DMD: variants seen among roughly 807,000 people sequenced by gnomAD.
The protein encoded by DMD is mutant dystrophin.
DMD carries 63 observed loss-of-function variants against 330.1 expected under a neutral mutation model. That is an observed-to-expected ratio of 0.19 (90% CI 0.16 to 0.24). DMD has a LOEUF of 0.24. DMD is among the 10% of genes least tolerant of loss of function. The pLI is 1.00. For synonymous variants in DMD, 1,223 were observed against 959.8 expected, an observed-to-expected ratio of 1.27 and a Z score of -5.07; for missense variants, 3,344 against 2,684.1, an observed-to-expected ratio of 1.25 and a Z score of -5.43.
chrX:31,591,948 T>G (rs1399050270), intron 55 of DMD, among the ~76,000 whole-genome samples: 1 of 111,045 alleles, frequency 9.0e-6, no homozygotes, highest in African/African-American at 3.3e-5. Flanking sequence ...CATTCAGCCT[T>G]TAACACTTGA....
At chrX:32,000,914 C>T (rs751798474) in intron 44 of DMD, among the ~76,000 whole-genome samples, 5 of 111,481 alleles carry the variant, frequency 4.5e-5, no homozygotes, top group East Asian at 5.7e-4. Context: ...TCTATCTCTG[C>T]CACTAGTTTA....
At chrX:32,108,813 A>AT (rs2096576575) in intron 44 of DMD, among the ~76,000 whole-genome samples, 2 of 111,727 alleles carry the variant, frequency 1.8e-5, no homozygotes, top group Non-Finnish European at 3.8e-5. Flanking sequence ...GAGGTTTTTT[A>AT]TTAGTTAAGA....
chrX:31,249,993 G>A (rs184190608), intron 63 of DMD, among the ~76,000 whole-genome samples: 103 of 110,308 alleles, frequency 9.3e-4, no homozygotes, highest in Admixed American at 6.9e-3. Flanking sequence ...AAAATTATTA[G>A]TGGCTTCCTT....
At chrX:32,416,425 T>C (rs1481325010) in intron 29 of DMD, among the ~76,000 whole-genome samples, 1 of 112,083 alleles carries the variant, frequency 8.9e-6, no homozygotes, top group Non-Finnish European at 1.9e-5. Context: ...TGTAGACATG[T>C]AAAACATTTC....
chrX:31,419,134 C>T (rs767239713), intron 60 of DMD, among the ~76,000 whole-genome samples: 4 of 106,763 alleles, frequency 3.7e-5, no homozygotes, highest in Admixed American at 1.0e-4. Flanking sequence ...AGCAGAGACA[C>T]GGTTTCACCG....
intron 60 of DMD, among the ~76,000 whole-genome samples, chrX:31,373,969 G>A (rs772943802): frequency 1.8e-5 from 2 of 108,160 alleles, no homozygotes; most frequent in Non-Finnish European, 3.8e-5. Context: ...TCAAACAAAT[G>A]TACAAGAAAA....
At chrX:31,351,968 A>G (rs2058451705) in intron 60 of DMD, among the ~76,000 whole-genome samples, 2 of 110,661 alleles carry the variant, frequency 1.8e-5, no homozygotes, top group Admixed American at 9.7e-5. Flanking sequence ...TTCAGTAGTT[A>G]GTAAATTGGC....
At chrX:32,277,058 A>C (rs954968180) in intron 43 of DMD, among the ~76,000 whole-genome samples, 2 of 112,143 alleles carry the variant, frequency 1.8e-5, no homozygotes, top group Non-Finnish European at 3.8e-5. Flanking sequence ...TCACCTATAA[A>C]GCTACACACA....
intron 51 of DMD, among the ~76,000 whole-genome samples, chrX:31,762,125 T>G (rs1033828615): frequency 8.9e-6 from 1 of 112,447 alleles, no homozygotes; most frequent in Non-Finnish European, 1.9e-5. Flanking sequence ...GTAGAAACTC[T>G]TCTGTGTGGG....
intron 55 of DMD, among the ~76,000 whole-genome samples, chrX:31,515,995 G>A (rs972133784): frequency 9.0e-6 from 1 of 111,344 alleles, no homozygotes; most frequent in Admixed American, 9.6e-5. Context: ...CCCTTAGACT[G>A]GTTATCCAAC....
intron 25 of DMD, among the ~76,000 whole-genome samples, chrX:32,462,203 T>A (rs2098385877): frequency 9.0e-6 from 1 of 111,286 alleles, no homozygotes; most frequent in South Asian, 3.8e-4. Flanking sequence ...TACACTAGAT[T>A]TTTTCCTACT....
At chrX:32,564,751 A>G (rs188524515) in intron 16 of DMD, among the ~76,000 whole-genome samples, 191 of 111,761 alleles carry the variant, frequency 1.7e-3, no homozygotes, top group African/African-American at 5.8e-3. Flanking sequence ...CCTGGAGGCA[A>G]TACTACAAAC....
chrX:32,413,034 C>T (rs2098150142), intron 29 of DMD, among the ~76,000 whole-genome samples: 1 of 110,910 alleles, frequency 9.0e-6, no homozygotes, highest in Non-Finnish European at 1.9e-5. Flanking sequence ...AGAGGGAAGG[C>T]TTTCCCAGTA....
At chrX:32,120,592 C>T (rs1218256678) in intron 44 of DMD, among the ~76,000 whole-genome samples, 1 of 111,956 alleles carries the variant, frequency 8.9e-6, no homozygotes, top group South Asian at 3.7e-4. Flanking sequence ...AGTCTCAACA[C>T]ATTCGTGAGC....
At chrX:32,823,847 T>C (rs1273173001) in intron 4 of DMD, among the ~76,000 whole-genome samples, 3 of 111,506 alleles carry the variant, frequency 2.7e-5, no homozygotes. Flanking sequence ...GCCAGCTCTC[T>C]TATCTCTGTC....
chrX:32,199,213 T>C (rs1947731607), intron 44 of DMD, among the ~76,000 whole-genome samples: 1 of 111,661 alleles, frequency 9.0e-6, no homozygotes, highest in African/African-American at 3.3e-5. Context: ...AATTTGAACA[T>C]TGATTCCCTT....
intron 9 of DMD, among the ~76,000 whole-genome samples, chrX:32,675,993 C>G (rs915315172): frequency 2.7e-5 from 3 of 110,850 alleles, no homozygotes; most frequent in African/African-American, 9.8e-5. Context: ...GATTCAGAGC[C>G]CAGAAATTGG....
intron 77 of DMD, among the ~76,000 whole-genome samples, chrX:31,132,488 GT>G (rs756723219): frequency 9.9e-5 from 11 of 111,511 alleles, no homozygotes; most frequent in African/African-American, 3.3e-4. Context: ...CTAACCTCTT[GT>G]TTAGATGTGG....
At chrX:32,552,205 C>T (rs1004997085) in intron 16 of DMD, among the ~76,000 whole-genome samples, 9 of 111,788 alleles carry the variant, frequency 8.1e-5, no homozygotes, top group Non-Finnish European at 1.7e-4. Context: ...GGAACCATCC[C>T]ATTGCCTGAC....
Sources: gnomAD v4.1 joint callset for allele counts (sites outside exome capture counted in the v4.1 genomes callset) on GRCh38, gnomAD v4.1.1 for gene constraint, MANE v1.5 for transcripts, NCBI Gene and HGNC (gene_info 2026-07-23, HGNC 2026-07-21) for gene names.